Variants in PAMR1 observed in about 807,000 individuals in gnomAD.
The protein encoded by PAMR1 is inactive serine protease PAMR1.
Under a neutral mutation model 81.8 loss-of-function variants are expected in PAMR1, and 88 were observed. The observed-to-expected ratio is 1.08, with a 90% CI of 0.91 to 1.28. The LOEUF is 1.28. PAMR1 is among the 50% of genes most tolerant of loss of function. The pLI is 0.00. For synonymous variants in PAMR1, 336 were observed against 345.3 expected (o/e 0.97, Z 0.30); for missense variants, 935 against 919.7 (o/e 1.02, Z -0.21).
chr11:35,517,240 T>C (rs1367708491), intron 1 of PAMR1, among the ~76,000 whole-genome samples: 1 of 152,226 alleles, frequency 6.6e-6, no homozygotes, highest in Non-Finnish European at 1.5e-5. Context: ...CCAAATTGAT[T>C]AGTGCTGGCA....
chr11:35,508,711 C>G (rs1211876442), intron 1 of PAMR1, among the ~76,000 whole-genome samples: 3 of 151,946 alleles, frequency 2.0e-5, no homozygotes, highest in Non-Finnish European at 4.4e-5. Flanking sequence ...CAAGTAGGCC[C>G]CAGTGTCCAT....
rs1175606046 is a variant in PAMR1 at position 35,434,784 on chromosome 11, T to TGTTC, written c.1350_1353dup (p.Ile452GlufsTer27). 3 of 1,612,962 alleles carry TGTTC rather than the reference T, an allele frequency of 1.9e-6. No homozygotes were observed. The highest frequency in any genetic ancestry group is 2.5e-6 in the Non-Finnish European group (3 of 1,179,146). On this transcript the variant is annotated frameshift_variant, in exon 10 of 11. Transcript: ENST00000619888. LOFTEE classifies it high-confidence loss of function. ...AACCCTTGGGTCTTTGGAGCAGTGA[T>TGTTC]GTTCTCAATTTTCCCGCAGACTATG...
At chr11:35,529,434 A>C (rs75095063), upstream of PAMR1, among the ~76,000 whole-genome samples, 1 of 152,076 alleles carries the variant, frequency 6.6e-6, no homozygotes, top group Non-Finnish European at 1.5e-5. Context: ...GGGCCCTCTC[A>C]CCTCCTCCTC....
At chr11:35,516,068 A>G (rs1287485475) in intron 1 of PAMR1, among the ~76,000 whole-genome samples, 2 of 152,234 alleles carry the variant, frequency 1.3e-5, no homozygotes. Flanking sequence ...TTTGCCAGGG[A>G]ACTATGCTAA....
intron 4 of PAMR1, among the ~76,000 whole-genome samples, chr11:35,473,098 T>C (rs1264169043): frequency 6.6e-6 from 1 of 152,094 alleles, no homozygotes; most frequent in Non-Finnish European, 1.5e-5. Context: ...GTGGATGGAC[T>C]ATTTTTCAAG....
intron 1 of PAMR1, among the ~76,000 whole-genome samples, chr11:35,519,672 T>C (rs943490203): frequency 1.3e-5 from 2 of 152,218 alleles, no homozygotes; most frequent in Admixed American, 6.5e-5. Flanking sequence ...GGGCTGCTGA[T>C]GCCTCTGTCT....
intron 3 of PAMR1, among the ~76,000 whole-genome samples, chr11:35,485,159 C>T (rs887332323): frequency 5.3e-5 from 8 of 152,092 alleles, no homozygotes; most frequent in African/African-American, 1.9e-4. Flanking sequence ...CAAGTAAGTG[C>T]TCAAGGAGAA....
At chr11:35,434,410 C>A in intron 10 of PAMR1, 102 bp downstream of exon 10, 1 of 1,163,382 alleles carries the variant, frequency 8.6e-7, no homozygotes, top group South Asian at 1.5e-5. Context: ...GGGCTGGCTG[C>A]TGACATGCTA....
rs750455072 is a variant in PAMR1, at chr11:35,432,814, T to C, written c.1705A>G (p.Lys569Glu). 3 of 1,606,480 alleles carry C rather than the reference T, an allele frequency of 1.9e-6. No individual in the cohort carries two copies. In the South Asian group the frequency reaches 3.3e-5, roughly 18 times the overall value. ...TGGACTCGGGTGCTGATACGGGCCT[T>C]GTCTAGGAGCTTCAGGATGGCGATG... ...ADIAILKLLD[K>E]ARISTRVQPI... is the part of the protein sequence containing the mutation. Residue 569 changes from lysine (K) to glutamate (E), a missense_variant, in exon 11 of 11, where the codon AAG (lysine) becomes GAG (glutamate). Coordinates refer to ENST00000619888, the MANE Select transcript of PAMR1 (RefSeq NM_001001991.3).
intron 3 of PAMR1, among the ~76,000 whole-genome samples, chr11:35,479,531 C>T: frequency 6.6e-6 from 1 of 152,154 alleles, no homozygotes; most frequent in East Asian, 1.9e-4. Context: ...ATCTGAGGCA[C>T]TGATTGTTTT....
chr11:35,505,865 A>G (rs1850939787), intron 1 of PAMR1, among the ~76,000 whole-genome samples: 1 of 151,702 alleles, frequency 6.6e-6, no homozygotes, highest in Non-Finnish European at 1.5e-5. Context: ...GTTGTTATTG[A>G]TAAGTAAGTA....
chr11:35,518,519 A>G (rs986779104), intron 1 of PAMR1, among the ~76,000 whole-genome samples: 2 of 141,434 alleles, frequency 1.4e-5, no homozygotes, highest in African/African-American at 5.2e-5. Flanking sequence ...TCCACGGAGC[A>G]CTAATTCCAC....
chr11:35,435,955 C>A lies in PAMR1; in HGVS notation c.1281G>T (p.Arg427Ser), dbSNP rs1856033122. ...TCCACTTCCCAGTCCTCAGACATGT[C>A]CTCCTGCTGCTGCCCAGGCGGCGGT... is the stretch of plus-strand genomic sequence containing the variant. The part of the protein sequence containing the change: ...PFYRRLGSSR[R>S]TCLRTGKWSG... The change falls in exon 9 of 11, where the codon AGG becomes AGT. Residue 427 changes from arginine to serine, a missense_variant. Coordinates refer to ENST00000619888, the MANE Select transcript of PAMR1 (RefSeq NM_001001991.3). 2.5e-6 allele frequency: 4 copies of A among 1,614,228 alleles called. No individual in the cohort carries two copies. The South Asian group carries it at 4.4e-5, about 18-fold the overall frequency.
chr11:35,524,549 A>G (rs1851348977), intron 1 of PAMR1, among the ~76,000 whole-genome samples: 2 of 152,170 alleles, frequency 1.3e-5, no homozygotes, highest in Admixed American at 6.5e-5. Flanking sequence ...TTCAGGTGAC[A>G]GGTAACCAGC....
rs572015748 is a variant in PAMR1, at chr11:35,470,688, T to C, written c.625A>G (p.Ser209Gly). The C allele has an allele frequency of 4.3e-5, 69 of 1,613,786 alleles. 1 individual carries two copies. In the Admixed American group the frequency reaches 1.1e-3, roughly 27 times the overall value. The change falls in exon 5 of 11, where the codon AGC becomes GGC. Residue 209 changes from serine to glycine, a missense_variant. Transcript: ENST00000619888. ...AGGACGTGGAGTGAGGATCCTATGC[T>C]CTGGATAGGAGCTGGCCGCTCGTTG... The part of the protein sequence containing the change: ...CGNERPAPIQ[S>G]IGSSLHVLFH...
At chr11:35,476,503 G>A (rs1282666281) in intron 3 of PAMR1, among the ~76,000 whole-genome samples, 7 of 152,186 alleles carry the variant, frequency 4.6e-5, no homozygotes, top group South Asian at 2.1e-4. Context: ...GAAGAAGGAC[G>A]CGTTTGCTTC....
At chr11:35,511,576 C>T (rs1851072707) in intron 1 of PAMR1, among the ~76,000 whole-genome samples, 1 of 152,164 alleles carries the variant, frequency 6.6e-6, no homozygotes, top group Non-Finnish European at 1.5e-5. Flanking sequence ...CACCAAAAGC[C>T]CCACAGCTCT....
intron 6 of PAMR1, among the ~76,000 whole-genome samples, chr11:35,458,256 C>A (rs1856575208): frequency 1.3e-5 from 2 of 152,144 alleles, no homozygotes; most frequent in South Asian, 2.1e-4. Context: ...AATGGTTGCA[C>A]CCCCAGATGA....
intron 3 of PAMR1, among the ~76,000 whole-genome samples, chr11:35,486,746 G>A (rs954194524): frequency 6.6e-6 from 1 of 152,132 alleles, no homozygotes; most frequent in Non-Finnish European, 1.5e-5. Flanking sequence ...ATAACATTTG[G>A]GTGACTGCTA....
Sources: allele counts gnomAD v4.1 joint callset (sites outside exome capture counted in the v4.1 genomes callset), GRCh38; gene constraint gnomAD v4.1.1; transcripts MANE v1.5; gene names NCBI Gene and HGNC (gene_info 2026-07-23, HGNC 2026-07-21).